Variants in ARSG observed in about 807,000 individuals in gnomAD.
ARSG encodes the protein arylsulfatase G, also known as ASG.
Under a neutral mutation model 50.5 loss-of-function variants are expected in ARSG, and 37 were observed. That is an observed-to-expected ratio of 0.73 (90% CI 0.56 to 0.96). The LOEUF is 0.96. ARSG is among the 50% of genes least tolerant of loss of function. ARSG has a pLI of 0.00. For synonymous variants in ARSG, 225 were observed against 254.6 expected, an observed-to-expected ratio of 0.88 and a Z score of 1.11; for missense variants, 629 against 675.3, an observed-to-expected ratio of 0.93 and a Z score of 0.76.
At chr17:68,294,426 T>G (rs1263939793) in intron 1 of ARSG, among the ~76,000 whole-genome samples, 1 of 152,184 alleles carries the variant, frequency 6.6e-6, no homozygotes, top group Non-Finnish European at 1.5e-5. Flanking sequence ...GGCTTGCAAA[T>G]AAGCTCACTG....
the ARSG span, among the ~76,000 whole-genome samples, chr17:68,441,469 C>G: frequency 1.3e-5 from 2 of 152,234 alleles, no homozygotes; most frequent in African/African-American, 4.8e-5. Context: ...TCAACAGTCA[C>G]AGTTTCCATC....
the ARSG span, chr17:68,435,690 G>A: frequency 4.3e-6 from 7 of 1,614,222 alleles, no homozygotes; most frequent in Non-Finnish European, 5.9e-6. Flanking sequence ...TCCCTCATGG[G>A]CAGCAATAGT....
chr17:68,406,527 T>G lies in ARSG; in HGVS notation c.1303+5077T>G, dbSNP rs8079678. On this transcript the variant is annotated intron_variant, in intron 11 of 11. Transcript: ENST00000621439. ...GTGTAGAAGTGTTCCCTGTTCACCG[T>G]ATCCATGCCAACATCTACTGTTTTT... Among the ~76,000 whole-genome samples the G allele has an allele frequency of 2.1e-4, 32 of 152,176 alleles. 1 individual carries two copies. The highest frequency in any genetic ancestry group is 7.7e-4 in the African/African-American group (32 of 41,438).
the ARSG span, chr17:68,430,283 T>G: frequency 1.0e-6 from 1 of 960,670 alleles, no homozygotes; most frequent in Non-Finnish European, 1.5e-6. Flanking sequence ...TGCCTTAGCA[T>G]AATGTTCTGC....
At chr17:68,342,620 A>G (rs1184410236) in intron 2 of ARSG, among the ~76,000 whole-genome samples, 2 of 152,160 alleles carry the variant, frequency 1.3e-5, no homozygotes, top group Admixed American at 6.5e-5. Flanking sequence ...TCGGCCTCCC[A>G]AAGTGTTGGG....
chr17:68,297,624 A>T (rs1031964565), intron 1 of ARSG, among the ~76,000 whole-genome samples: 4 of 152,098 alleles, frequency 2.6e-5, no homozygotes, highest in African/African-American at 9.7e-5. Context: ...ATCTTTTTTT[A>T]AAATTAAAAA....
chr17:68,429,057 C>T, the ARSG span: 9 of 712,060 alleles, frequency 1.3e-5, no homozygotes, highest in Non-Finnish European at 2.2e-5. Flanking sequence ...AAACCCTTAG[C>T]CCACTGATCT....
At chr17:68,394,498 G>T (rs2081144845) in intron 9 of ARSG, among the ~76,000 whole-genome samples, 1 of 152,094 alleles carries the variant, frequency 6.6e-6, no homozygotes, top group African/African-American at 2.4e-5. Context: ...TCTTGTAGGT[G>T]TGGTGGTACA....
At chr17:68,280,179 C>CAAAAAAAAAAAAAAAAAAAAAAAA (rs58937538) in intron 1 of ARSG, among the ~76,000 whole-genome samples, 1 of 87,568 alleles carries the variant, frequency 1.1e-5, no homozygotes. Context: ...AACTCTGTCT[C>CAAAAAAAAAAAAAAAAAAAAAAAA]AAAAAAAAAA....
At chr17:68,285,090 G>C (rs1320831233) in intron 1 of ARSG, among the ~76,000 whole-genome samples, 1 of 152,200 alleles carries the variant, frequency 6.6e-6, no homozygotes, top group Non-Finnish European at 1.5e-5. Flanking sequence ...TGATGATGAT[G>C]CTAAGGAAAA....
At chr17:68,342,874 C>T (rs2078333545) in intron 2 of ARSG, among the ~76,000 whole-genome samples, 1 of 152,226 alleles carries the variant, frequency 6.6e-6, no homozygotes, top group Admixed American at 6.5e-5. Flanking sequence ...AGGGTCACCT[C>T]CTTCAGCCTC....
chr17:68,368,790 A>G, intron 7 of ARSG, 46 bp downstream of exon 7: 1 of 1,586,560 alleles, frequency 6.3e-7, no homozygotes, highest in Non-Finnish European at 8.6e-7. Context: ...TTAATAGACA[A>G]CCTTGCACAT....
the ARSG span, among the ~76,000 whole-genome samples, chr17:68,441,959 T>C: frequency 6.6e-6 from 1 of 152,224 alleles, no homozygotes; most frequent in Non-Finnish European, 1.5e-5. Context: ...GGCATTCTTT[T>C]ATCTGAGACA....
At chr17:68,263,658 C>G (rs1158616047) in intron 1 of ARSG, among the ~76,000 whole-genome samples, 8 of 152,020 alleles carry the variant, frequency 5.3e-5, no homozygotes, top group African/African-American at 1.7e-4. Flanking sequence ...CCATGTGGCC[C>G]AGGCTGGTCT....
chr17:68,370,394 G>A (rs368559499), intron 7 of ARSG, 50 bp from the exon 8 acceptor site: 33 of 1,581,640 alleles, frequency 2.1e-5, no homozygotes, highest in Non-Finnish European at 2.5e-5. Context: ...GAGGGTCAGC[G>A]AAAGTGTCCA....
At chr17:68,391,782 A>C (rs1600060560) in intron 9 of ARSG, among the ~76,000 whole-genome samples, 1 of 151,878 alleles carries the variant, frequency 6.6e-6, no homozygotes, top group East Asian at 1.9e-4. Context: ...GCGAGTGCTG[A>C]CTCTGCATTC....
rs2080956792 is a variant in ARSG, at chr17:68,390,832, G to A, written c.1092-4241G>A. Among the ~76,000 whole-genome samples the A allele has an allele frequency of 2.0e-5, 3 of 151,944 alleles. No individual in the cohort carries two copies. The South Asian group carries it at 6.3e-4, about 32-fold the overall frequency. On this transcript the variant is annotated intron_variant, in intron 9 of 11. Transcript: ENST00000621439. ...AGTAGAGACAGGGATTCACCATGTT[G>A]GCCGGGCTGGTCTGGAACTCCTGAC...
chr17:68,428,502 G>A, the ARSG span: 1 of 221,468 alleles, frequency 4.5e-6, no homozygotes, highest in African/African-American at 2.3e-5. Flanking sequence ...CAAAGTGCCG[G>A]GATTACAGGT....
At chr17:68,371,334 A>AAG (rs1568537503) in intron 8 of ARSG, among the ~76,000 whole-genome samples, 1 of 151,652 alleles carries the variant, frequency 6.6e-6, no homozygotes, top group African/African-American at 2.4e-5. Flanking sequence ...AAAAAAAAAA[A>AAG]AAGAAGGAGA....
Sources: gnomAD v4.1 joint callset for allele counts (sites outside exome capture counted in the v4.1 genomes callset) on GRCh38, gnomAD v4.1.1 for gene constraint, MANE v1.5 for transcripts, NCBI Gene and HGNC (gene_info 2026-07-23, HGNC 2026-07-21) for gene names.